The following ATXN2 variants were observed in gnomAD, a reference collection of about 807,000 sequenced individuals.
ATXN2 encodes ataxin 2, also known as ataxin-2.
ATXN2 carries 37 observed loss-of-function variants against 138.6 expected under a neutral mutation model. The observed-to-expected ratio is 0.27, with a 90% CI of 0.21 to 0.35. ATXN2 has a LOEUF of 0.35. Ranked by LOEUF, ATXN2 falls within the 10% of genes least tolerant of loss-of-function variation. The pLI, the probability that ATXN2 is intolerant of heterozygous loss-of-function variation, is 1.00. For missense variants in ATXN2, 1,216 were observed against 1,480.3 expected (o/e 0.82, Z 2.93); for synonymous variants, 549 against 543.7 (o/e 1.01, Z -0.13).
intron 1 of ATXN2, among the ~76,000 whole-genome samples, chr12:111,584,085 TA>T (rs144924229): frequency 0.1 from 15,265 of 151,256 alleles, 2,580 homozygotes; most frequent in African/African-American, 0.35. Context: ...AAAAATTACT[TA>T]AAAAAAAATT....
At chr12:111,561,513 A>G (rs1882686723) in intron 1 of ATXN2, among the ~76,000 whole-genome samples, 1 of 152,078 alleles carries the variant, frequency 6.6e-6, no homozygotes, top group Non-Finnish European at 1.5e-5. Context: ...AGAAAAAAAA[A>G]TCATAAAATT....
intron 23 of ATXN2, chr12:111,455,336 G>A: frequency 3.9e-6 from 2 of 514,290 alleles, no homozygotes; most frequent in Non-Finnish European, 7.1e-6. Flanking sequence ...ACCTTTGTCA[G>A]CAGCTGATGC....
chr12:111,474,136 A>G (rs1408337454), intron 18 of ATXN2, among the ~76,000 whole-genome samples: 5 of 152,118 alleles, frequency 3.3e-5, no homozygotes, highest in African/African-American at 1.2e-4. Flanking sequence ...TGGGAGGACC[A>G]CCTAAGCCCA....
intron 1 of ATXN2, among the ~76,000 whole-genome samples, chr12:111,573,101 T>C (rs776502128): frequency 2.1e-4 from 32 of 152,180 alleles, no homozygotes; most frequent in Non-Finnish European, 4.1e-4. Flanking sequence ...GATAGAGAAC[T>C]GCCAGGACTA....
At chr12:111,535,860 C>T (rs908249401) in intron 5 of ATXN2, among the ~76,000 whole-genome samples, 3 of 151,358 alleles carry the variant, frequency 2.0e-5, no homozygotes, top group African/African-American at 7.3e-5. Context: ...ATTAGCCGGG[C>T]GTAGTGGCGG....
At chr12:111,458,667 T>C (rs1875318254) in intron 21 of ATXN2, among the ~76,000 whole-genome samples, 2 of 152,174 alleles carry the variant, frequency 1.3e-5, no homozygotes, top group Admixed American at 1.3e-4. Flanking sequence ...GATTCCAAAA[T>C]AGTTCCCCAC....
At chr12:111,558,124 AC>A (rs1430029525) in intron 1 of ATXN2, among the ~76,000 whole-genome samples, 1 of 152,220 alleles carries the variant, frequency 6.6e-6, no homozygotes, top group Non-Finnish European at 1.5e-5. Flanking sequence ...ATATAAAAAA[AC>A]AGTACAGTAA....
intron 18 of ATXN2, among the ~76,000 whole-genome samples, chr12:111,480,457 A>G (rs1054417702): frequency 7.2e-5 from 11 of 152,148 alleles, no homozygotes; most frequent in Non-Finnish European, 1.2e-4. Flanking sequence ...CAGGCAGATC[A>G]CGAGATCAGG....
chr12:111,526,808 C>A (rs1566043795), intron 5 of ATXN2, among the ~76,000 whole-genome samples: 4 of 152,182 alleles, frequency 2.6e-5, no homozygotes, highest in Admixed American at 2.0e-4. Context: ...ATATTCATGT[C>A]TATGTACAGT....
intron 1 of ATXN2, among the ~76,000 whole-genome samples, chr12:111,580,052 G>A (rs1175389983): frequency 2.0e-5 from 3 of 152,050 alleles, no homozygotes; most frequent in African/African-American, 4.8e-5. Flanking sequence ...GGGCTCCAGC[G>A]ATCCTCCCAC....
intron 18 of ATXN2, among the ~76,000 whole-genome samples, chr12:111,477,965 CTTTTTT>C (rs760866567): frequency 1.4e-5 from 2 of 144,368 alleles, no homozygotes; most frequent in Non-Finnish European, 3.1e-5. Flanking sequence ...TTTCTTTTTT[CTTTTTT>C]TTTTTTGCAA....
At chr12:111,494,192 A>T (rs1878254803) in intron 14 of ATXN2, among the ~76,000 whole-genome samples, 1 of 152,108 alleles carries the variant, frequency 6.6e-6, no homozygotes, top group Non-Finnish European at 1.5e-5. Context: ...AGCCTCCCAA[A>T]GTGCTGGGAT....
Position 111,598,155 on chromosome 12 carries a change from G to C in ATXN2, c.251+629C>G. On this transcript the variant is annotated intron_variant, in intron 1 of 24. Transcript: ENST00000673436. This position sits in a 1 kb window ranked among gnomAD's most constrained non-coding sequence, Gnocchi z 4.5. Reference sequence around the variant, plus strand: ...GCCGCCTCGGACACGAACGCAGAGGGGTGCGGGGGCCAAGGCCCACTTGTC... The same window carrying C: ...GCCGCCTCGGACACGAACGCAGAGGCGTGCGGGGGCCAAGGCCCACTTGTC... 1 of 1,103,154 alleles carries C rather than the reference G, an allele frequency of 9.1e-7. No homozygotes were observed. The highest frequency in any genetic ancestry group is 2.3e-5 in the South Asian group (1 of 43,796). 68.3% of individuals were successfully genotyped at this position (1,103,154 alleles called of 1,614,324 possible). A position where few individuals can be genotyped will look rare whatever the true frequency, so the allele number is the denominator to read the frequency against.
At chr12:111,547,836 A>AT (rs34988312) in intron 5 of ATXN2, among the ~76,000 whole-genome samples, 5,474 of 100,218 alleles carry the variant, frequency 0.055, 539 homozygotes, top group African/African-American at 0.21. Flanking sequence ...TTGCTTGAGA[A>AT]TTTTTTTTTT....
At position 111,552,989 on chromosome 12, in the gene ATXN2, T is replaced by C. The variant is rs1882198691; in HGVS notation, c.349-12A>G. ...TCACATTTGGAGCCCTAAAAACATA[T>C]AATTTATTTATCAAAGAAACAGTAT... On this transcript the variant is annotated splice_polypyrimidine_tract_variant and intron_variant, in intron 3 of 24. Transcript: ENST00000673436. This position sits in a 1 kb window ranked among gnomAD's most constrained non-coding sequence, Gnocchi z 4.1. 2.0e-6 allele frequency: 3 copies of C among 1,511,154 alleles called. No individual in the cohort carries two copies. The highest frequency in any genetic ancestry group is 2.6e-5 in the South Asian group (2 of 77,036). The allele number at this position is 1,511,154 out of a possible 1,614,324, so 93.6% of individuals were successfully genotyped here.
chr12:111,460,556 C>T (rs962417011), intron 21 of ATXN2, among the ~76,000 whole-genome samples: 1 of 151,970 alleles, frequency 6.6e-6, no homozygotes, highest in Non-Finnish European at 1.5e-5. Context: ...CATAAAGATA[C>T]AGTACGGAAT....
chr12:111,464,329 GTGTGTT>G (rs1446307939), intron 21 of ATXN2, among the ~76,000 whole-genome samples: 1 of 120,572 alleles, frequency 8.3e-6, no homozygotes, highest in Non-Finnish European at 1.5e-5. Context: ...GCTTGGGTGT[GTGTGTT>G]TGTGTGTGTG....
Position 111,598,290 on chromosome 12 carries a change from G to A in ATXN2, c.251+494C>T, listed in dbSNP as rs1592944537. 2.0e-6 allele frequency: 2 copies of A among 1,004,192 alleles called. No individual in the cohort carries two copies. Among genetic ancestry groups the A allele is most frequent in the African/African-American group, 1.7e-5 (1 of 57,640 alleles). The allele number at this position is 1,004,192 out of a possible 1,614,324, so 62.2% of individuals were successfully genotyped here. A position where few individuals can be genotyped will look rare whatever the true frequency, so the allele number is the denominator to read the frequency against. On this transcript the variant is annotated intron_variant, in intron 1 of 24. Coordinates refer to ENST00000673436, the MANE Select transcript of ATXN2 (RefSeq NM_001372574.1). The surrounding 1 kb of genome is among the most constrained non-coding windows in gnomAD (Gnocchi z 4.5). ...GGTGCCTACCCCTTTAACCGGCACGGGGGACGCGGCCCTAACTTCTCCCCT... is the reference window on the plus strand; with the variant it reads ...GGTGCCTACCCCTTTAACCGGCACGAGGGACGCGGCCCTAACTTCTCCCCT...
At chr12:111,539,790 T>C (rs966528528) in intron 5 of ATXN2, among the ~76,000 whole-genome samples, 2 of 149,548 alleles carry the variant, frequency 1.3e-5, no homozygotes, top group African/African-American at 4.9e-5. Context: ...AAGAAGAAAA[T>C]GATTCTGTAG....
Sources: allele counts gnomAD v4.1 joint callset (sites outside exome capture counted in the v4.1 genomes callset), GRCh38; gene constraint gnomAD v4.1.1; non-coding constraint Gnocchi (gnomAD v3.1); transcripts MANE v1.5; gene names NCBI Gene and HGNC (gene_info 2026-07-23, HGNC 2026-07-21).